Variants in ITFG1 observed in about 807,000 individuals in gnomAD.
The protein encoded by ITFG1 is T-cell immunomodulatory protein.
ITFG1 carries 34 observed loss-of-function variants against 81.8 expected under a neutral mutation model. The ratio of observed to expected loss-of-function variants is 0.42; its 90% CI spans 0.32 to 0.55. The LOEUF (loss-of-function observed/expected upper bound fraction) is 0.55. ITFG1 is among the 20% of genes least tolerant of loss of function. The pLI is 0.17. For synonymous variants in ITFG1, 285 were observed against 270.6 expected, an observed-to-expected ratio of 1.05 and a Z score of -0.52; for missense variants, 672 against 755.4, an observed-to-expected ratio of 0.89 and a Z score of 1.29.
intron 7 of ITFG1, among the ~76,000 whole-genome samples, chr16:47,370,281 C>T (rs1456788811): frequency 6.6e-6 from 1 of 152,172 alleles, no homozygotes; most frequent in Admixed American, 6.5e-5. Flanking sequence ...AAGTCCCCGA[C>T]CAGAGTGAGA....
intron 8 of ITFG1, among the ~76,000 whole-genome samples, chr16:47,341,902 CAAGTA>C (rs1170937105): frequency 2.0e-5 from 3 of 152,148 alleles, no homozygotes; most frequent in Non-Finnish European, 4.4e-5. Context: ...AGACCTATAA[CAAGTA>C]AAGAGATTGA....
intron 1 of ITFG1, among the ~76,000 whole-genome samples, chr16:47,460,017 C>A (rs1197584259): frequency 6.6e-6 from 1 of 152,172 alleles, no homozygotes; most frequent in Non-Finnish European, 1.5e-5. Context: ...TACTCAAGAA[C>A]CCTAAGACCC....
chr16:47,180,601 T>C (rs534974796), intron 14 of ITFG1, among the ~76,000 whole-genome samples: 35 of 152,280 alleles, frequency 2.3e-4, no homozygotes, highest in African/African-American at 6.7e-4. Context: ...GCCAGGCTGG[T>C]CTCCAGCTCC....
At chr16:47,427,242 C>CTGATCAATTT (rs1969034541) in intron 6 of ITFG1, among the ~76,000 whole-genome samples, 1 of 152,190 alleles carries the variant, frequency 6.6e-6, no homozygotes, top group Non-Finnish European at 1.5e-5. Context: ...ACTGAACCTA[C>CTGATCAATTT]TGATCAATTT....
chr16:47,352,829 C>T (rs1414272602), intron 8 of ITFG1, among the ~76,000 whole-genome samples: 1 of 152,166 alleles, frequency 6.6e-6, no homozygotes, highest in Non-Finnish European at 1.5e-5. Context: ...CAATGACAGA[C>T]TGGATTACGA....
At position 47,257,178 on chromosome 16, in the gene ITFG1, G is replaced by A. The variant is rs532218947; in HGVS notation, c.1330+1454C>T. Among the ~76,000 whole-genome samples the A allele has an allele frequency of 5.3e-5, 8 of 152,188 alleles. No individual in the cohort carries two copies. The South Asian group carries it at 1.7e-3, about 32-fold the overall frequency. On this transcript the variant is annotated intron_variant, in intron 12 of 17. Coordinates refer to ENST00000320640, the MANE Select transcript of ITFG1 (RefSeq NM_030790.5). ...GCACAAGAAAAATAAAAGACATAGG[G>A]ATTAGAAAGAAAATTATCTCTCTTT...
At chr16:47,218,657 T>A (rs1467863688) in intron 14 of ITFG1, 1 of 309,358 alleles carries the variant, frequency 3.2e-6, no homozygotes, top group East Asian at 5.3e-5. Context: ...GGCTCCATCA[T>A]AATAGGGATA....
At chr16:47,444,880 T>C (rs150173591) in intron 5 of ITFG1, among the ~76,000 whole-genome samples, 4 of 152,214 alleles carry the variant, frequency 2.6e-5, no homozygotes, top group Non-Finnish European at 5.9e-5. Flanking sequence ...GATCTGCTTT[T>C]TGGAAATTGG....
chr16:47,246,310 T>G (rs1199896656), intron 12 of ITFG1, among the ~76,000 whole-genome samples: 1 of 152,234 alleles, frequency 6.6e-6, no homozygotes. Context: ...CACTAAGAAA[T>G]TTTATACAAT....
At chr16:47,168,545 GTTTTTTTTTT>G (rs758632507) in intron 14 of ITFG1, among the ~76,000 whole-genome samples, 1 of 117,680 alleles carries the variant, frequency 8.5e-6, no homozygotes, top group Non-Finnish European at 1.8e-5. Flanking sequence ...CTAATTAAAA[GTTTTTTTTTT>G]TTTTTTTTTT....
At chr16:47,205,076 G>A (rs974605979) in intron 14 of ITFG1, among the ~76,000 whole-genome samples, 7 of 152,300 alleles carry the variant, frequency 4.6e-5, no homozygotes, top group African/African-American at 1.7e-4. Context: ...TATTTACATA[G>A]GAAGGTGGGA....
intron 14 of ITFG1, among the ~76,000 whole-genome samples, chr16:47,181,803 T>C (rs1965127840): frequency 6.6e-6 from 1 of 151,996 alleles, no homozygotes; most frequent in Non-Finnish European, 1.5e-5. Flanking sequence ...TAGAAAGAGG[T>C]AGACATGGGA....
intron 5 of ITFG1, among the ~76,000 whole-genome samples, chr16:47,433,232 A>T (rs1969116021): frequency 6.6e-6 from 1 of 152,272 alleles, no homozygotes; most frequent in Non-Finnish European, 1.5e-5. Flanking sequence ...GGGACAGACC[A>T]TCAGCCAAAT....
chr16:47,435,779 C>T (rs375322886), intron 5 of ITFG1, among the ~76,000 whole-genome samples: 68 of 152,028 alleles, frequency 4.5e-4, no homozygotes, highest in African/African-American at 1.5e-3. Flanking sequence ...AGATATGCTT[C>T]GAAAGAATTT....
chr16:47,453,952 T>C, intron 3 of ITFG1, 61 bp downstream of exon 3: 1 of 1,059,286 alleles, frequency 9.4e-7, no homozygotes, highest in South Asian at 1.5e-5. Context: ...CAGAACAATA[T>C]TTTGTTACAT....
At chr16:47,373,025 C>T (rs1304568118) in intron 7 of ITFG1, among the ~76,000 whole-genome samples, 2 of 152,186 alleles carry the variant, frequency 1.3e-5, no homozygotes, top group Non-Finnish European at 2.9e-5. Context: ...AGTCCTAAAA[C>T]AATAGCTTCT....
chr16:47,419,065 A>G (rs1968908504), intron 6 of ITFG1, among the ~76,000 whole-genome samples: 1 of 152,226 alleles, frequency 6.6e-6, no homozygotes, highest in Non-Finnish European at 1.5e-5. Context: ...GCATATGTTG[A>G]ACCATCCTTG....
At chr16:47,212,231 T>G (rs1965571767) in intron 14 of ITFG1, among the ~76,000 whole-genome samples, 1 of 152,182 alleles carries the variant, frequency 6.6e-6, no homozygotes, top group Non-Finnish European at 1.5e-5. Flanking sequence ...TTTATTTTTT[T>G]GAGACGGGGT....
chr16:47,272,306 G>C (rs1966351354), intron 10 of ITFG1, among the ~76,000 whole-genome samples: 1 of 152,192 alleles, frequency 6.6e-6, no homozygotes, highest in African/African-American at 2.4e-5. Flanking sequence ...AGTCGTAGGG[G>C]AATTGGAGAG....
Sources: gnomAD v4.1 joint callset for allele counts (sites outside exome capture counted in the v4.1 genomes callset) on GRCh38, gnomAD v4.1.1 for gene constraint, MANE v1.5 for transcripts, NCBI Gene and HGNC (gene_info 2026-07-23, HGNC 2026-07-21) for gene names.